The following ACTR8 variants were observed in gnomAD, a reference collection of about 807,000 sequenced individuals.
ACTR8 encodes actin-related protein 8.
In ACTR8, 70 loss-of-function variants were observed where a neutral mutation model predicts 84.3. The observed-to-expected ratio is 0.83, with a 90% CI of 0.68 to 1.01. The LOEUF (loss-of-function observed/expected upper bound fraction) is 1.01. Ranked by LOEUF, ACTR8 falls within the 50% of genes least tolerant of loss-of-function variation. The probability of loss-of-function intolerance (pLI) is 0.00; values close to 1 mark genes in which losing one functional copy is unlikely to be tolerated. For missense variants in ACTR8, 672 were observed against 775.4 expected, an observed-to-expected ratio of 0.87 and a Z score of 1.58; for synonymous variants, 268 against 275.2, an observed-to-expected ratio of 0.97 and a Z score of 0.26.
At chr3:53,871,647 A>ACCTG in intron 10 of ACTR8, 151 bp from the exon 11 acceptor site, 3 of 891,836 alleles carry the variant, frequency 3.4e-6, no homozygotes, top group Non-Finnish European at 5.0e-6. Flanking sequence ...CAGGTAACTT[A>ACCTG]GGAATGAGAG....
At chr3:53,865,613 A>G, downstream of ACTR8, 1 of 304,424 alleles carries the variant, frequency 3.3e-6, no homozygotes, top group Non-Finnish European at 6.1e-6. Flanking sequence ...TCTTCCATAG[A>G]CCATGCATTG....
intron 2 of ACTR8, among the ~76,000 whole-genome samples, chr3:53,878,746 C>G (rs1401496980): frequency 6.6e-6 from 1 of 152,082 alleles, no homozygotes; most frequent in Admixed American, 6.6e-5. Flanking sequence ...ATTGCTTGAG[C>G]CCAGGAGGTG....
Position 53,871,084 on chromosome 3 carries a change from C to T in ACTR8, c.1567+148G>A. 5 of 1,122,344 alleles carry T rather than the reference C, an allele frequency of 4.5e-6. No individual in the cohort carries two copies. The South Asian group carries it at 6.5e-5, about 15-fold the overall frequency. The allele number at this position is 1,122,344 out of a possible 1,614,324, so 69.5% of individuals were successfully genotyped here. A position where few individuals can be genotyped will look rare whatever the true frequency, so the allele number is the denominator to read the frequency against. On this transcript the variant is annotated intron_variant, in intron 11 of 12. Transcript: ENST00000335754. ...ACCCATCCTACTTCGTTAATGTATT[C>T]CCAACACCTGGCAATGCAAGCCAAG...
At chr3:53,880,998 AC>A (rs1433048874) in intron 1 of ACTR8, among the ~76,000 whole-genome samples, 6 of 151,204 alleles carry the variant, frequency 4.0e-5, no homozygotes, top group Admixed American at 3.3e-4. Context: ...CCTCCTAATC[AC>A]CCCCCACAGA....
At chr3:53,872,358 C>A in intron 10 of ACTR8, 26 bp downstream of exon 10, 1 of 1,536,816 alleles carries the variant, frequency 6.5e-7, no homozygotes, top group South Asian at 1.3e-5. Context: ...AAAACTCTCT[C>A]TTCTCCTACC....
chr3:53,865,847 T>C (rs1576855742), downstream of ACTR8: 1 of 152,488 alleles, frequency 6.6e-6, no homozygotes, highest in South Asian at 2.1e-4. Context: ...TATGATTTGG[T>C]ATTTGCATAA....
In ACTR8 at chr3:53,870,286, G is replaced by T; in HGVS notation, c.1568-141C>A. The T allele has an allele frequency of 1.0e-6, 1 of 964,412 alleles. No individual in the cohort carries two copies. The allele number at this position is 964,412 out of a possible 1,614,324, so 59.7% of individuals were successfully genotyped here. On this transcript the variant is annotated intron_variant, in intron 11 of 12. Transcript: ENST00000335754. The surrounding 1 kb of genome is among the most constrained non-coding windows in gnomAD (Gnocchi z 4.1). ...AGCCCACCCTCCACACTGCAGCCAG[G>T]GGAACCCTACGAAACACAAATGTAG...
chr3:53,864,734 C>A, downstream of ACTR8: 1 of 1,577,544 alleles, frequency 6.3e-7, no homozygotes, highest in Non-Finnish European at 8.6e-7. Context: ...AAATGCTTTT[C>A]TCCTCTCACA....
chr3:53,861,251 G>A, the ACTR8 span: 1 of 152,066 alleles, frequency 6.6e-6, no homozygotes, highest in African/African-American at 2.4e-5. Flanking sequence ...TAGTAATGCT[G>A]GCAGTGCTCC....
chr3:53,863,019 CAAG>C (rs1297964939), downstream of ACTR8, among the ~76,000 whole-genome samples: 1 of 151,750 alleles, frequency 6.6e-6, no homozygotes, highest in Admixed American at 6.5e-5. Context: ...AAGATGATGA[CAAG>C]AATAAAGACC....
intron 9 of ACTR8, 50 bp from the exon 10 acceptor site, chr3:53,872,574 A>C (rs1436219727): frequency 2.7e-6 from 4 of 1,506,566 alleles, no homozygotes; most frequent in Non-Finnish European, 3.5e-6. Flanking sequence ...CATCCTGAAA[A>C]AAACTGATCC....
chr3:53,875,927 G>A, intron 7 of ACTR8, 21 bp downstream of exon 7: 1 of 1,613,918 alleles, frequency 6.2e-7, no homozygotes, highest in Non-Finnish European at 8.5e-7. Flanking sequence ...AACAGGGAAT[G>A]CCACCTTCCA....
chr3:53,860,081 A>G, the ACTR8 span: 1 of 1,203,298 alleles, frequency 8.3e-7, no homozygotes, highest in African/African-American at 1.5e-5. Context: ...AAATTAAGAG[A>G]TAAGTGTGGA....
In ACTR8 at chr3:53,877,661, A is replaced by T. The variant is rs752145196; in HGVS notation, c.496T>A (p.Leu166Ile). ...WTNTSHHPEYLVGEEALYVNP... is the reference protein window; with the variant it reads ...WTNTSHHPEYIVGEEALYVNP... Reference sequence around the variant, plus strand: ...AAGTTTCTTACCTCTTCTCCTACTAAATACTCAGGGTGATGAGATGTGTTT... The same window carrying T: ...AAGTTTCTTACCTCTTCTCCTACTATATACTCAGGGTGATGAGATGTGTTT... The change falls in exon 4 of 13, where the codon TTA (leucine) becomes ATA (isoleucine). Residue 166 changes from leucine to isoleucine, a missense_variant. Coordinates refer to ENST00000335754, the MANE Select transcript of ACTR8 (RefSeq NM_022899.5). The T allele has an allele frequency of 1.2e-6, 2 of 1,613,680 alleles. No homozygotes were observed. Among genetic ancestry groups the T allele is most frequent in the East Asian group, 4.5e-5 (2 of 44,872 alleles).
intron 1 of ACTR8, 55 bp downstream of exon 1, chr3:53,881,924 T>C (rs1470525230): frequency 1.9e-6 from 3 of 1,550,968 alleles, no homozygotes; most frequent in Non-Finnish European, 2.6e-6. Flanking sequence ...GCCCCTTGCC[T>C]GGCAGCGGAG....
intron 10 of ACTR8, 53 bp downstream of exon 10, chr3:53,872,331 A>G: frequency 2.7e-6 from 4 of 1,501,588 alleles, no homozygotes; most frequent in Non-Finnish European, 3.6e-6. Context: ...CTCTGGACAA[A>G]TTTCTCCTTC....
At position 53,868,382 on chromosome 3, in the gene ACTR8, T is replaced by G; in HGVS notation, c.*337A>C. The stretch of plus-strand genomic sequence containing the variant: ...ATGGTTGCATGAGGCTGCCTGCTGA[T>G]GAGATTCAAGCCAACTTAAATGAAG... On this transcript the variant is annotated 3_prime_UTR_variant, in exon 13 of 13. Transcript: ENST00000335754. The G allele has an allele frequency of 4.6e-6, 1 of 218,684 alleles. No individual in the cohort carries two copies. The allele number at this position is 218,684 out of a possible 1,614,324, so 13.5% of individuals were successfully genotyped here. A position where few individuals can be genotyped will look rare whatever the true frequency, so the allele number is the denominator to read the frequency against.
At chr3:53,869,893 C>A (rs1699858201) in intron 12 of ACTR8, 89 bp downstream of exon 12, 3 of 1,494,346 alleles carry the variant, frequency 2.0e-6, no homozygotes, top group Non-Finnish European at 2.7e-6. Flanking sequence ...TCCTCAGACA[C>A]AAGCCCATGC....
At chr3:53,876,146 T>G in intron 6 of ACTR8, 66 bp from the exon 7 acceptor site, 1 of 1,582,558 alleles carries the variant, frequency 6.3e-7, no homozygotes, top group Non-Finnish European at 8.6e-7. Flanking sequence ...CCAAAACAGA[T>G]AATCAGCTGA....
Sources: gnomAD v4.1 joint callset for allele counts (sites outside exome capture counted in the v4.1 genomes callset) on GRCh38, gnomAD v4.1.1 for gene constraint, Gnocchi (gnomAD v3.1) non-coding constraint, MANE v1.5 for transcripts, NCBI Gene and HGNC (gene_info 2026-07-23, HGNC 2026-07-21) for gene names.